TCHP: variants seen among roughly 807,000 people sequenced by gnomAD.
TCHP encodes the protein trichoplein keratin filament binding.
TCHP carries 81 observed loss-of-function variants against 88.7 expected under a neutral mutation model. The ratio of observed to expected loss-of-function variants is 0.91; its 90% CI spans 0.76 to 1.10. TCHP has a LOEUF of 1.10. Ranked by LOEUF, TCHP falls within the 50% of genes least tolerant of loss-of-function variation. The pLI, the probability that TCHP is intolerant of heterozygous loss-of-function variation, is 0.00. For synonymous variants in TCHP, 232 were observed against 232.5 expected (o/e 1.00, Z 0.02); for missense variants, 641 against 632.1 (o/e 1.01, Z -0.15).
At chr12:109,904,449 C>T (rs1870008815) in intron 3 of TCHP, among the ~76,000 whole-genome samples, 1 of 152,164 alleles carries the variant, frequency 6.6e-6, no homozygotes, top group African/African-American at 2.4e-5. Flanking sequence ...AAACAGTGAG[C>T]CCTAATCTGT....
At chr12:109,912,921 G>A (rs968951934) in intron 9 of TCHP, 70 bp from the exon 10 acceptor site, 3 of 1,341,874 alleles carry the variant, frequency 2.2e-6, no homozygotes, top group Admixed American at 1.7e-5. Flanking sequence ...CTGCAGCCCT[G>A]TCTGTTCCGT....
At chr12:109,910,692 AC>A (rs1373135175) in intron 8 of TCHP, among the ~76,000 whole-genome samples, 1 of 152,024 alleles carries the variant, frequency 6.6e-6, no homozygotes, top group African/African-American at 2.4e-5. Context: ...TTTCCCTCTT[AC>A]CTAAAAGCTG....
chr12:109,914,816 T>C (rs1479726067), intron 11 of TCHP, 189 bp downstream of exon 11: 1 of 559,878 alleles, frequency 1.8e-6, no homozygotes, highest in Non-Finnish European at 3.2e-6. Flanking sequence ...ACATCCTCCA[T>C]GTCGTGTGGG....
intron 12 of TCHP, 146 bp from the exon 13 acceptor site, chr12:109,916,445 A>AT: frequency 1.2e-6 from 1 of 832,086 alleles, no homozygotes. Flanking sequence ...CAAGTGCCTC[A>AT]TTTATGGCTT....
At chr12:109,891,092 T>G in the TCHP span, among the ~76,000 whole-genome samples, 3 of 152,236 alleles carry the variant, frequency 2.0e-5, no homozygotes, top group African/African-American at 7.2e-5. Context: ...GAAAATGTTT[T>G]GAATACGGAA....
chr12:109,913,715 G>A (rs1008698931), intron 10 of TCHP, among the ~76,000 whole-genome samples: 4 of 152,228 alleles, frequency 2.6e-5, no homozygotes, highest in African/African-American at 9.7e-5. Context: ...GCTGAAAGCT[G>A]TTGTAAAGTG....
At chr12:109,906,707 C>T (rs576869603) in intron 5 of TCHP, 67 bp downstream of exon 5, 5 of 1,366,850 alleles carry the variant, frequency 3.7e-6, no homozygotes, top group East Asian at 2.3e-5. Context: ...TCTTTGCATT[C>T]GTTTACCGTT....
In TCHP at chr12:109,916,647, A is replaced by G; in HGVS notation, c.*24A>G. ...GACTTCATGGGTACCATAAGTACAG[A>G]GAACAAGGGATGCTGAGGCTTCTGA... On this transcript the variant is annotated 3_prime_UTR_variant, in exon 13 of 13. Coordinates refer to ENST00000405876, the MANE Select transcript of TCHP (RefSeq NM_001143852.2). 1 of 1,611,192 alleles carries G rather than the reference A, an allele frequency of 6.2e-7. No homozygotes were observed. The highest frequency in any genetic ancestry group is 8.5e-7 in the Non-Finnish European group (1 of 1,178,890).
rs755894901 is a variant in TCHP, at chr12:109,912,964, G to A, written c.1053-27G>A. 1.7e-5 allele frequency: 28 copies of A among 1,605,534 alleles called. No homozygotes were observed. The South Asian group carries it at 2.8e-4, about 16-fold the overall frequency. On this transcript the variant is annotated intron_variant, in intron 9 of 12. Coordinates refer to ENST00000405876, the MANE Select transcript of TCHP (RefSeq NM_001143852.2). The stretch of plus-strand genomic sequence containing the variant: ...TTCCTGCCAGGGCGGGGAGGAGCCT[G>A]CTGTCATCCCTTTTGTGTTTGCCCA...
chr12:109,889,496 C>A, the TCHP span, among the ~76,000 whole-genome samples: 1 of 152,036 alleles, frequency 6.6e-6, no homozygotes, highest in African/African-American at 2.4e-5. Flanking sequence ...GGAAGAAAAT[C>A]TATTCTTGCC....
At chr12:109,899,499 G>C (rs915985058), upstream of TCHP, among the ~76,000 whole-genome samples, 1 of 152,088 alleles carries the variant, frequency 6.6e-6, no homozygotes, top group Non-Finnish European at 1.5e-5. Flanking sequence ...TTAGCTGGGC[G>C]TGGTGGCGTG....
At chr12:109,916,270 G>A (rs1261587392) in intron 12 of TCHP, among the ~76,000 whole-genome samples, 6 of 152,198 alleles carry the variant, frequency 3.9e-5, no homozygotes, top group Non-Finnish European at 5.9e-5. Flanking sequence ...CAGGTGCTGC[G>A]TTTGCCATAG....
intron 7 of TCHP, 55 bp from the exon 8 acceptor site, chr12:109,908,816 T>A (rs1156493870): frequency 2.5e-6 from 4 of 1,588,986 alleles, no homozygotes; most frequent in African/African-American, 1.3e-5. Context: ...TTATCTAACT[T>A]CTATTTAATT....
At position 109,903,904 on chromosome 12, in the gene TCHP, A is replaced by G. The variant is rs969521340; in HGVS notation, c.189-33A>G. The G allele has an allele frequency of 1.5e-5, 23 of 1,551,338 alleles. No homozygotes were observed. Among genetic ancestry groups the G allele is most frequent in the Non-Finnish European group, 1.8e-5 (20 of 1,139,060 alleles). ...AGAGCACGTTCCCTGTGGCTGTAGC[A>G]TGATTGATTCAGGCAGGCCCCCTCT... On this transcript the variant is annotated intron_variant, in intron 2 of 12. Coordinates refer to ENST00000405876, the MANE Select transcript of TCHP (RefSeq NM_001143852.2). This position sits in a 1 kb window ranked among gnomAD's most constrained non-coding sequence, Gnocchi z 4.6.
intron 4 of TCHP, among the ~76,000 whole-genome samples, chr12:109,906,236 C>T (rs1290398891): frequency 6.6e-6 from 1 of 152,200 alleles, no homozygotes; most frequent in Non-Finnish European, 1.5e-5. Flanking sequence ...GCCTGGCATG[C>T]AGTACATCAA....
the TCHP span, among the ~76,000 whole-genome samples, chr12:109,885,910 T>C: frequency 6.6e-6 from 1 of 152,032 alleles, no homozygotes; most frequent in African/African-American, 2.4e-5. Flanking sequence ...CCTGAGTAAC[T>C]GGGACTACAG....
the TCHP span, among the ~76,000 whole-genome samples, chr12:109,889,808 G>A: frequency 6.6e-6 from 1 of 152,200 alleles, no homozygotes; most frequent in African/African-American, 2.4e-5. Context: ...TGATTCCAGT[G>A]ATGTCACCTC....
chr12:109,896,224 G>A (rs1374046636), upstream of TCHP, among the ~76,000 whole-genome samples: 3 of 152,144 alleles, frequency 2.0e-5, no homozygotes, highest in Non-Finnish European at 4.4e-5. Flanking sequence ...TGGCATTACA[G>A]GCGTGAGCCA....
intron 4 of TCHP, among the ~76,000 whole-genome samples, chr12:109,906,323 G>C (rs148853338): frequency 6.6e-6 from 1 of 152,296 alleles, no homozygotes; most frequent in East Asian, 1.9e-4. Context: ...GGAAGTCTCT[G>C]TTACTTTGTA....
Sources: allele counts gnomAD v4.1 joint callset (sites outside exome capture counted in the v4.1 genomes callset), GRCh38; gene constraint gnomAD v4.1.1; non-coding constraint Gnocchi (gnomAD v3.1); transcripts MANE v1.5; gene names NCBI Gene and HGNC (gene_info 2026-07-23, HGNC 2026-07-21).